The following LRRTM4 variants were observed in gnomAD, a reference collection of about 807,000 sequenced individuals.
LRRTM4 encodes the protein leucine-rich repeat transmembrane neuronal protein 4.
In LRRTM4, 25 loss-of-function variants were observed where a neutral mutation model predicts 47.6. The observed-to-expected ratio is 0.53, with a 90% CI of 0.38 to 0.73. LRRTM4 has a LOEUF of 0.73. Among genes scored for constraint, LRRTM4 ranks in the 30% least tolerant of loss-of-function variants. The probability of loss-of-function intolerance (pLI) is 0.00; values close to 1 mark genes in which losing one functional copy is unlikely to be tolerated. For missense variants in LRRTM4, 638 were observed against 713.4 expected (o/e 0.89, Z 1.20); for synonymous variants, 311 against 269.5 (o/e 1.15, Z -1.51).
At chr2:77,226,171 C>G (rs922695752) in intron 3 of LRRTM4, among the ~76,000 whole-genome samples, 4 of 151,586 alleles carry the variant, frequency 2.6e-5, no homozygotes, top group Non-Finnish European at 4.4e-5. Context: ...ATTGGAAAAA[C>G]AATTACAATT....
intron 3 of LRRTM4, among the ~76,000 whole-genome samples, chr2:77,395,946 T>C (rs985296961): frequency 1.3e-5 from 2 of 151,948 alleles, no homozygotes; most frequent in African/African-American, 4.8e-5. Flanking sequence ...TACATGAAAA[T>C]GAATGTGATT....
intron 3 of LRRTM4, among the ~76,000 whole-genome samples, chr2:77,251,029 G>C (rs1675589648): frequency 6.6e-6 from 1 of 151,824 alleles, no homozygotes. Context: ...CTTGAACCTG[G>C]GAGGTGGAGG....
At chr2:77,108,570 C>T (rs1671159931) in intron 3 of LRRTM4, among the ~76,000 whole-genome samples, 1 of 146,174 alleles carries the variant, frequency 6.8e-6, no homozygotes, top group African/African-American at 2.5e-5. Flanking sequence ...TTAAAGAACA[C>T]AAACATTCTT....
chr2:76,845,688 TCA>T (rs1671817735), intron 3 of LRRTM4, among the ~76,000 whole-genome samples: 1 of 152,318 alleles, frequency 6.6e-6, no homozygotes, highest in East Asian at 1.9e-4. Context: ...GAAATATTTT[TCA>T]GTCTTTTTTA....
intron 3 of LRRTM4, among the ~76,000 whole-genome samples, chr2:77,092,452 T>C (rs1444977309): frequency 6.9e-6 from 1 of 143,996 alleles, no homozygotes; most frequent in African/African-American, 2.8e-5. Context: ...GAACCTCTCA[T>C]TTCCTTTCCC....
chr2:77,259,187 A>G (rs916725412), intron 3 of LRRTM4, among the ~76,000 whole-genome samples: 14 of 152,096 alleles, frequency 9.2e-5, no homozygotes, highest in Admixed American at 2.6e-4. Flanking sequence ...ATATGGGCTT[A>G]AGAATTCAGT....
At chr2:76,773,960 T>G (rs113271903) in intron 3 of LRRTM4, among the ~76,000 whole-genome samples, 7 of 151,972 alleles carry the variant, frequency 4.6e-5, no homozygotes, top group African/African-American at 1.7e-4. Flanking sequence ...TAATTATAGC[T>G]GTTTGAGAAA....
intron 3 of LRRTM4, among the ~76,000 whole-genome samples, chr2:77,289,584 G>C (rs994721898): frequency 6.6e-6 from 1 of 151,938 alleles, no homozygotes; most frequent in Non-Finnish European, 1.5e-5. Context: ...AAATATGTTA[G>C]TGGTTTTTTT....
At chr2:76,767,589 G>A (rs1193542211) in intron 3 of LRRTM4, among the ~76,000 whole-genome samples, 1 of 152,140 alleles carries the variant, frequency 6.6e-6, no homozygotes, top group African/African-American at 2.4e-5. Context: ...GTTGGCTGTA[G>A]TTTATCATCC....
chr2:76,984,978 CAG>C (rs1163425652), intron 3 of LRRTM4, among the ~76,000 whole-genome samples: 2 of 151,904 alleles, frequency 1.3e-5, no homozygotes, highest in Non-Finnish European at 2.9e-5. Context: ...TGGGGAAAAT[CAG>C]AGGATAGAAG....
At chr2:77,508,232 T>G (rs1678852489) in intron 3 of LRRTM4, among the ~76,000 whole-genome samples, 1 of 152,114 alleles carries the variant, frequency 6.6e-6, no homozygotes, top group African/African-American at 2.4e-5. Context: ...AAGGTGACTG[T>G]GTATTGGGGA....
intron 3 of LRRTM4, among the ~76,000 whole-genome samples, chr2:76,961,075 ACTC>A: frequency 6.6e-6 from 1 of 151,458 alleles, no homozygotes; most frequent in South Asian, 2.1e-4. Context: ...AAATATATTA[ACTC>A]ATTATCTACT....
At chr2:77,497,189 T>G (rs1678395756) in intron 3 of LRRTM4, among the ~76,000 whole-genome samples, 2 of 151,710 alleles carry the variant, frequency 1.3e-5, no homozygotes, top group African/African-American at 4.8e-5. Flanking sequence ...TTGCTCATTT[T>G]TTTGCCAATC....
intron 3 of LRRTM4, among the ~76,000 whole-genome samples, chr2:77,181,475 G>A (rs1673345080): frequency 6.6e-6 from 1 of 152,072 alleles, no homozygotes; most frequent in South Asian, 2.1e-4. Flanking sequence ...TTGATTCAAA[G>A]GAAGGACACT....
At chr2:77,469,737 A>T (rs62794860) in intron 3 of LRRTM4, among the ~76,000 whole-genome samples, 2 of 2,856 alleles carry the variant, frequency 7.0e-4, no homozygotes, top group Admixed American at 6.8e-3. Context: ...GCATATATAT[A>T]TATAAACATA....
intron 3 of LRRTM4, among the ~76,000 whole-genome samples, chr2:76,919,948 T>G (rs1674382228): frequency 6.6e-6 from 1 of 152,118 alleles, no homozygotes; most frequent in South Asian, 2.1e-4. Context: ...CGGAAGACAT[T>G]CTCATAATCT....
intron 3 of LRRTM4, among the ~76,000 whole-genome samples, chr2:77,025,197 G>C (rs1391293877): frequency 1.3e-5 from 2 of 152,064 alleles, no homozygotes; most frequent in Non-Finnish European, 2.9e-5. Context: ...CATATATTTA[G>C]CTGGAAAAAT....
At chr2:77,313,253 C>T (rs1169385231) in intron 3 of LRRTM4, among the ~76,000 whole-genome samples, 1 of 148,414 alleles carries the variant, frequency 6.7e-6, no homozygotes, top group African/African-American at 2.6e-5. Context: ...TGCCTCCCTA[C>T]TTTTTCCTGA....
rs1224069864 is a variant in LRRTM4 at position 76,748,384 on chromosome 2, CTA to C, written c.*309_*310del. On this transcript the variant is annotated 3_prime_UTR_variant, in exon 4 of 4. Coordinates refer to ENST00000409884, the MANE Select transcript of LRRTM4 (RefSeq NM_001134745.3). ...AGAAAAATCAAATATACAAACAAAC[CTA>C]TATGTAGCTAGGGTGAAATCTATTT... The C allele has an allele frequency of 8.6e-6, 3 of 348,176 alleles. No individual in the cohort carries two copies. Among genetic ancestry groups the C allele is most frequent in the African/African-American group, 6.3e-5 (3 of 47,348 alleles). The allele number at this position is 348,176 out of a possible 1,614,324, so 21.6% of individuals were successfully genotyped here. A position where few individuals can be genotyped will look rare whatever the true frequency, so the allele number is the denominator to read the frequency against.
Sources: allele counts gnomAD v4.1 joint callset (sites outside exome capture counted in the v4.1 genomes callset), GRCh38; gene constraint gnomAD v4.1.1; transcripts MANE v1.5; gene names NCBI Gene and HGNC (gene_info 2026-07-23, HGNC 2026-07-21).